Variants in CRTC1 observed in about 807,000 individuals in gnomAD.
The protein encoded by CRTC1 is CREB regulated transcription coactivator 1.
In CRTC1, 18 loss-of-function variants were observed where a neutral mutation model predicts 66.1. The observed-to-expected ratio is 0.27, with a 90% CI of 0.19 to 0.40. The LOEUF (loss-of-function observed/expected upper bound fraction) is 0.40, where lower values mean the gene tolerates loss of function less well. Ranked by LOEUF, CRTC1 falls within the 10% of genes least tolerant of loss-of-function variation. CRTC1 has a pLI of 1.00. For missense variants in CRTC1, 669 were observed against 887.9 expected, an observed-to-expected ratio of 0.75 and a Z score of 3.13; for synonymous variants, 416 against 398.8, an observed-to-expected ratio of 1.04 and a Z score of -0.51.
chr19:18,745,139 G>A (rs755832323), intron 2 of CRTC1, among the ~76,000 whole-genome samples: 5 of 152,172 alleles, frequency 3.3e-5, no homozygotes, highest in Non-Finnish European at 5.9e-5. Flanking sequence ...GGGAGGGCCA[G>A]CCTGGTGCCA....
rs58765850 is a variant in CRTC1, at chr19:18,693,387, TA to T, written c.126+9572del. Among the ~76,000 whole-genome samples, 47 of 145,924 alleles carry T rather than the reference TA, an allele frequency of 3.2e-4. No homozygotes were observed. In the East Asian group the frequency reaches 5.4e-3, roughly 17 times the overall value. On this transcript the variant is annotated intron_variant, in intron 1 of 13. Coordinates refer to ENST00000321949, the MANE Select transcript of CRTC1 (RefSeq NM_015321.3). ...CTGGGTGACAGAGTGAGACACCGTCTAAAAAAAAAAAAATTCATTTTTCATG... is the reference window on the plus strand; with the variant it reads ...CTGGGTGACAGAGTGAGACACCGTCTAAAAAAAAAAAATTCATTTTTCATG...
At chr19:18,750,003 G>A in intron 5 of CRTC1, 128 bp downstream of exon 5, 3 of 742,260 alleles carry the variant, frequency 4.0e-6, no homozygotes, top group Non-Finnish European at 7.1e-6. Context: ...CATGCTGAGG[G>A]ATCGGGGGAG....
intron 1 of CRTC1, among the ~76,000 whole-genome samples, chr19:18,711,018 G>C (rs1021661206): frequency 6.6e-6 from 1 of 152,214 alleles, no homozygotes; most frequent in Non-Finnish European, 1.5e-5. Context: ...GGCTTTGTAG[G>C]CCTCCAGCTG....
At chr19:18,759,906 GT>G in intron 7 of CRTC1, 101 bp from the exon 8 acceptor site, 1 of 885,606 alleles carries the variant, frequency 1.1e-6, no homozygotes. Context: ...CTGATGGGGG[GT>G]GGCCTTTTGC....
chr19:18,770,916 TTG>T (rs897383896), intron 10 of CRTC1, among the ~76,000 whole-genome samples: 4 of 146,224 alleles, frequency 2.7e-5, no homozygotes, highest in South Asian at 4.4e-4. Flanking sequence ...GTATGTACGT[TTG>T]TGTGTGGATG....
Position 18,779,310 on chromosome 19 carries a change from C to A in CRTC1, c.*1928C>A. ...ATGCCTTTGGCATGTGTCTGAGCAG[C>A]CAAGTGGCCACTCATAGGAGAAGGC... On this transcript the variant is annotated 3_prime_UTR_variant, in exon 14 of 14. Coordinates refer to ENST00000321949, the MANE Select transcript of CRTC1 (RefSeq NM_015321.3). 1 of 227,638 alleles carries A rather than the reference C, an allele frequency of 4.4e-6. No homozygotes were observed. The highest frequency in any genetic ancestry group is 8.7e-6 in the Non-Finnish European group (1 of 114,632). The allele number at this position is 227,638 out of a possible 1,614,324, so 14.1% of individuals were successfully genotyped here. A position where few individuals can be genotyped will look rare whatever the true frequency, so the allele number is the denominator to read the frequency against.
chr19:18,716,091 G>A (rs1019219670), intron 1 of CRTC1, among the ~76,000 whole-genome samples: 7 of 152,106 alleles, frequency 4.6e-5, no homozygotes, highest in Non-Finnish European at 7.4e-5. Flanking sequence ...CAGAGTCACT[G>A]GTGGCATGTG....
chr19:18,729,151 C>T (rs1382896256), intron 1 of CRTC1, among the ~76,000 whole-genome samples: 5 of 138,848 alleles, frequency 3.6e-5, no homozygotes, highest in African/African-American at 5.1e-5. Flanking sequence ...GCTGGCCGGG[C>T]GCGGTGGCTC....
intron 1 of CRTC1, among the ~76,000 whole-genome samples, chr19:18,697,314 C>T (rs1238861877): frequency 3.3e-5 from 5 of 152,126 alleles, no homozygotes; most frequent in Admixed American, 2.0e-4. Context: ...GCCCCCACCT[C>T]GCTTCCTTCT....
At chr19:18,723,928 G>A (rs766835994) in intron 1 of CRTC1, among the ~76,000 whole-genome samples, 79 of 152,204 alleles carry the variant, frequency 5.2e-4, no homozygotes, top group Non-Finnish European at 7.1e-4. Context: ...TGGAGCCTCC[G>A]GGAGGGAGGA....
intron 1 of CRTC1, among the ~76,000 whole-genome samples, chr19:18,728,043 G>A (rs908547453): frequency 6.6e-6 from 1 of 152,080 alleles, no homozygotes; most frequent in Non-Finnish European, 1.5e-5. Context: ...TACTTTCAGA[G>A]CCTCCAGAGC....
rs186136146 is a variant in CRTC1, at chr19:18,776,506, C to G, written c.1694-665C>G. On this transcript the variant is annotated intron_variant, in intron 13 of 13. Transcript: ENST00000321949. The stretch of plus-strand genomic sequence containing the variant: ...GAAGTGTCCGTATTTAGTGCTCCCC[C>G]ACTGTGGCCTGGGCTCTGAGTGCAG... Among the ~76,000 whole-genome samples, 21 of 152,312 alleles carry G rather than the reference C, an allele frequency of 1.4e-4. No individual in the cohort carries two copies. The South Asian group carries it at 2.5e-3, about 18-fold the overall frequency.
chr19:18,762,396 G>A (rs566685562), intron 8 of CRTC1, among the ~76,000 whole-genome samples: 10 of 152,318 alleles, frequency 6.6e-5, no homozygotes, highest in African/African-American at 1.9e-4. Flanking sequence ...CTTTCTGGAC[G>A]CCTTTTAAAT....
At chr19:18,750,424 C>T (rs901512575) in intron 5 of CRTC1, among the ~76,000 whole-genome samples, 10 of 152,240 alleles carry the variant, frequency 6.6e-5, no homozygotes, top group African/African-American at 9.6e-5. Context: ...ATGCACACCC[C>T]TGTGGCGGGG....
chr19:18,689,583 A>ATATGTATATATATATATATATATATG (rs74217964), intron 1 of CRTC1, among the ~76,000 whole-genome samples: 2 of 65,736 alleles, frequency 3.0e-5, no homozygotes, highest in Non-Finnish European at 5.0e-5. Context: ...ATATATATAT[A>ATATGTATATATATATATATATATATG]TATGTAATAT....
intron 1 of CRTC1, among the ~76,000 whole-genome samples, chr19:18,735,262 C>T (rs553901337): frequency 6.6e-6 from 1 of 152,306 alleles, no homozygotes; most frequent in Non-Finnish European, 1.5e-5. Context: ...CCTGAGGGCT[C>T]TTGTCCCTGT....
Position 18,684,540 on chromosome 19 carries a change from G to C in CRTC1, c.126+712G>C, listed in dbSNP as rs1403723395. Among the ~76,000 whole-genome samples the C allele has an allele frequency of 3.9e-5, 6 of 152,108 alleles. No individual in the cohort carries two copies. The South Asian group carries it at 6.2e-4, about 16-fold the overall frequency. ...ATCCTGTCCCCCAGGGGGTCCAGAG[G>C]GGGGCCAAGAAGGCAGATTGTGCTC... On this transcript the variant is annotated intron_variant, in intron 1 of 13. Coordinates refer to ENST00000321949, the MANE Select transcript of CRTC1 (RefSeq NM_015321.3).
rs60784646 is a variant in CRTC1, at chr19:18,774,887, C to T, written c.1426-13C>T. On this transcript the variant is annotated splice_polypyrimidine_tract_variant and intron_variant, in intron 11 of 13. Transcript: ENST00000321949. ...CAGGCCGTGACCACAGCAGGCCTCT[C>T]TTCTGTCTGCAGCACACTTCCACCC... The T allele has an allele frequency of 6.7e-3, 10,829 of 1,610,164 alleles. 582 individuals are homozygous for T. In the African/African-American group the frequency reaches 0.12, roughly 18 times the overall value.
At chr19:18,749,742 T>C (rs939660454) in intron 4 of CRTC1, 39 bp from the exon 5 acceptor site, 1 of 1,543,368 alleles carries the variant, frequency 6.5e-7, no homozygotes, top group Non-Finnish European at 9.0e-7. Context: ...TTGTCTGCCT[T>C]GGGCTGAGGC....
Sources: allele counts gnomAD v4.1 joint callset (sites outside exome capture counted in the v4.1 genomes callset), GRCh38; gene constraint gnomAD v4.1.1; transcripts MANE v1.5; gene names NCBI Gene and HGNC (gene_info 2026-07-23, HGNC 2026-07-21).